Variants in PAPPA2 observed in about 807,000 individuals in gnomAD.
PAPPA2 encodes the protein pappalysin 2.
Under a neutral mutation model 176.4 loss-of-function variants are expected in PAPPA2, and 86 were observed. The observed-to-expected ratio is 0.49, with a 90% CI of 0.41 to 0.58. PAPPA2 has a LOEUF of 0.58. Ranked by LOEUF, PAPPA2 falls within the 20% of genes least tolerant of loss-of-function variation. The pLI is 0.00. For synonymous variants in PAPPA2, 809 were observed against 852.2 expected (o/e 0.95, Z 0.88); for missense variants, 2,073 against 2,256.9 (o/e 0.92, Z 1.65).
chr1:176,803,311 A>G (rs1439115730), intron 21 of PAPPA2, among the ~76,000 whole-genome samples: 3 of 152,132 alleles, frequency 2.0e-5, no homozygotes, highest in Non-Finnish European at 4.4e-5. Context: ...CCCGTAAGAG[A>G]TTCTTACTGG....
rs192461427 is a variant in PAPPA2, at chr1:176,632,544, T to G, written c.1991+36949T>G. Among the ~76,000 whole-genome samples the G allele has an allele frequency of 2.4e-3, 361 of 151,852 alleles. 3 individuals carry two copies. Among genetic ancestry groups the G allele is most frequent in the African/African-American group, 7.6e-3 (313 of 41,400 alleles). On this transcript the variant is annotated intron_variant, in intron 3 of 22. Transcript: ENST00000367662. ...ACTCCGTCTCAAAAAAAATAAAAAATAAAAAAGAAAGTGAAGACTGACAGT... is the reference window on the plus strand; with the variant it reads ...ACTCCGTCTCAAAAAAAATAAAAAAGAAAAAAGAAAGTGAAGACTGACAGT...
At chr1:176,490,749 T>C (rs960797298) in intron 1 of PAPPA2, among the ~76,000 whole-genome samples, 1 of 152,140 alleles carries the variant, frequency 6.6e-6, no homozygotes, top group Non-Finnish European at 1.5e-5. Context: ...AGTGTGGACT[T>C]GCACTGTCAT....
At chr1:176,812,684 G>T (rs376010327) in intron 21 of PAPPA2, among the ~76,000 whole-genome samples, 36 of 152,042 alleles carry the variant, frequency 2.4e-4, no homozygotes, top group African/African-American at 8.2e-4. Flanking sequence ...TAACATAGAT[G>T]TTCATTTAAG....
intron 3 of PAPPA2, among the ~76,000 whole-genome samples, chr1:176,601,279 A>G (rs542256679): frequency 1.3e-5 from 2 of 152,344 alleles, no homozygotes; most frequent in East Asian, 3.9e-4. Flanking sequence ...TACAGCCTCC[A>G]GAACTGCAGG....
At chr1:176,561,397 C>A (rs1328023615) in intron 2 of PAPPA2, among the ~76,000 whole-genome samples, 5 of 152,152 alleles carry the variant, frequency 3.3e-5, no homozygotes, top group African/African-American at 1.2e-4. Flanking sequence ...TTACTGGGAG[C>A]AGCACGTTAA....
At chr1:176,499,341 C>T (rs2102505870) in intron 1 of PAPPA2, among the ~76,000 whole-genome samples, 1 of 152,260 alleles carries the variant, frequency 6.6e-6, no homozygotes, top group East Asian at 1.9e-4. Flanking sequence ...GCAAGTCATG[C>T]CATAGTCTCA....
intron 1 of PAPPA2, among the ~76,000 whole-genome samples, chr1:176,512,041 TA>T (rs1648626964): frequency 6.6e-6 from 1 of 152,118 alleles, no homozygotes; most frequent in East Asian, 1.9e-4. Context: ...AAGGAACACT[TA>T]AAACTTGATA....
In PAPPA2 at chr1:176,740,213, C is replaced by T; in HGVS notation, c.4151+17C>T. 1 of 1,605,382 alleles carries T rather than the reference C, an allele frequency of 6.2e-7. No homozygotes were observed. The highest frequency in any genetic ancestry group is 2.2e-5 in the East Asian group (1 of 44,674). On this transcript the variant is annotated intron_variant, in intron 14 of 22. Transcript: ENST00000367662. ...GGGACAGAGGTACAAACTTCCCTTT[C>T]TTTCTTTTGTTTCCTTTTCTTGTGG... is the stretch of plus-strand genomic sequence containing the variant.
At chr1:176,721,127 G>A (rs1157220504) in intron 12 of PAPPA2, among the ~76,000 whole-genome samples, 1 of 152,066 alleles carries the variant, frequency 6.6e-6, no homozygotes, top group African/African-American at 2.4e-5. Context: ...CAGCCATCAA[G>A]GCATCCCTCA....
intron 2 of PAPPA2, among the ~76,000 whole-genome samples, chr1:176,584,428 A>G (rs1293883415): frequency 6.6e-6 from 1 of 151,750 alleles, no homozygotes; most frequent in Non-Finnish European, 1.5e-5. Context: ...TTGACTTAAA[A>G]TCTGTTTTAT....
intron 5 of PAPPA2, chr1:176,690,636 C>T: frequency 7.3e-7 from 1 of 1,373,738 alleles, no homozygotes; most frequent in Non-Finnish European, 9.4e-7. Flanking sequence ...GTACTTTGTT[C>T]ACTGAATTCT....
Position 176,623,051 on chromosome 1 carries a change from G to A in PAPPA2, c.1991+27456G>A, listed in dbSNP as rs373028524. 4.6e-5 allele frequency among the ~76,000 whole-genome samples: 7 copies of A among 152,156 alleles called. No individual in the cohort carries two copies. In the East Asian group the frequency reaches 9.7e-4, roughly 21 times the overall value. On this transcript the variant is annotated intron_variant, in intron 3 of 22. Coordinates refer to ENST00000367662, the MANE Select transcript of PAPPA2 (RefSeq NM_020318.3). ...TGCCCTCATGACTTAATCACTTCTC[G>A]AAAGCCCTACCTTTTAAAACTATCA...
At chr1:176,791,640 A>G (rs1665184130) in intron 19 of PAPPA2, among the ~76,000 whole-genome samples, 158 bp downstream of exon 19, 2 of 152,046 alleles carry the variant, frequency 1.3e-5, no homozygotes, top group South Asian at 4.2e-4. Flanking sequence ...TGCAACCTCC[A>G]TTTCCCGGGT....
intron 3 of PAPPA2, among the ~76,000 whole-genome samples, chr1:176,604,979 C>T (rs1251020992): frequency 1.3e-5 from 2 of 152,014 alleles, no homozygotes; most frequent in Non-Finnish European, 2.9e-5. Flanking sequence ...AGCGTTGCCC[C>T]ATTTAGATCT....
At chr1:176,581,946 C>T (rs929482267) in intron 2 of PAPPA2, among the ~76,000 whole-genome samples, 42 of 107,578 alleles carry the variant, frequency 3.9e-4, no homozygotes, top group Non-Finnish European at 5.0e-4. Flanking sequence ...TTTTTTGAGA[C>T]GGAGTCTCAC....
At chr1:176,503,436 T>C (rs1648076905) in intron 1 of PAPPA2, among the ~76,000 whole-genome samples, 2 of 152,170 alleles carry the variant, frequency 1.3e-5, no homozygotes. Flanking sequence ...TAATTTGCCA[T>C]GTAACACAAC....
intron 1 of PAPPA2, among the ~76,000 whole-genome samples, chr1:176,527,356 C>G (rs1649555573): frequency 6.6e-6 from 1 of 152,142 alleles, no homozygotes; most frequent in Admixed American, 6.5e-5. Flanking sequence ...CATCTCCACA[C>G]TGGAGATGAG....
At chr1:176,696,272 G>A (rs138123232) in intron 7 of PAPPA2, among the ~76,000 whole-genome samples, 77 of 141,702 alleles carry the variant, frequency 5.4e-4, no homozygotes, top group South Asian at 2.4e-3. Flanking sequence ...GAAACACACC[G>A]CAGAGAACAC....
At chr1:176,836,020 A>G (rs550537077) in intron 21 of PAPPA2, among the ~76,000 whole-genome samples, 1 of 152,292 alleles carries the variant, frequency 6.6e-6, no homozygotes, top group South Asian at 2.1e-4. Context: ...GTGAAGGAGA[A>G]TGAAGATCAG....
Sources: allele counts gnomAD v4.1 joint callset (sites outside exome capture counted in the v4.1 genomes callset), GRCh38; gene constraint gnomAD v4.1.1; transcripts MANE v1.5; gene names NCBI Gene and HGNC (gene_info 2026-07-23, HGNC 2026-07-21).